The following ANKFN1 variants were observed in gnomAD, a reference collection of about 807,000 sequenced individuals.
ANKFN1 encodes the protein ankyrin repeat and fibronectin type III domain containing 1, also known as ankyrin repeat and fibronectin type-III domain-containing protein 1.
Under a neutral mutation model 108.7 loss-of-function variants are expected in ANKFN1, and 74 were observed. The ratio of observed to expected loss-of-function variants is 0.68; its 90% CI spans 0.56 to 0.83. The LOEUF (loss-of-function observed/expected upper bound fraction) is 0.83. ANKFN1 is among the 40% of genes least tolerant of loss of function. ANKFN1 has a pLI of 0.00. For synonymous variants in ANKFN1, 547 were observed against 516.2 expected, an observed-to-expected ratio of 1.06 and a Z score of -0.81; for missense variants, 1,505 against 1,382.3, an observed-to-expected ratio of 1.09 and a Z score of -1.41.
intron 13 of ANKFN1, among the ~76,000 whole-genome samples, chr17:56,457,608 G>C (rs751327665): frequency 2.6e-5 from 4 of 152,196 alleles, no homozygotes; most frequent in Non-Finnish European, 5.9e-5. Flanking sequence ...CTTGCATCCT[G>C]TCACAATGTG....
chr17:56,246,047 A>G (rs1439052160), intron 3 of ANKFN1, among the ~76,000 whole-genome samples: 1 of 152,140 alleles, frequency 6.6e-6, no homozygotes, highest in African/African-American at 2.4e-5. Flanking sequence ...ATTTTTCCAG[A>G]AACAGGCACC....
At chr17:56,047,369 C>T (rs962849780) in intron 4 of ANKFN1, among the ~76,000 whole-genome samples, 6 of 150,286 alleles carry the variant, frequency 4.0e-5, no homozygotes, top group African/African-American at 1.5e-4. Flanking sequence ...AGGGGGAGAA[C>T]GAAGGAGCAC....
At chr17:56,204,057 A>C (rs1474834498) in intron 1 of ANKFN1, among the ~76,000 whole-genome samples, 1 of 151,916 alleles carries the variant, frequency 6.6e-6, no homozygotes, top group Non-Finnish European at 1.5e-5. Context: ...TAATTAATTA[A>C]TTTTTTAGAG....
intron 9 of ANKFN1, among the ~76,000 whole-genome samples, chr17:56,440,728 G>A (rs538840518): frequency 2.6e-5 from 4 of 152,094 alleles, no homozygotes; most frequent in African/African-American, 7.2e-5. Context: ...GCAGGGAGTG[G>A]ATCAAAGGCT....
intron 4 of ANKFN1, among the ~76,000 whole-genome samples, chr17:56,081,553 A>T (rs1236497752): frequency 1.3e-5 from 2 of 152,002 alleles, no homozygotes; most frequent in African/African-American, 4.8e-5. Flanking sequence ...GGGCTTCACC[A>T]TGTTGGTTAG....
At chr17:56,085,468 C>T (rs116570068) in intron 4 of ANKFN1, among the ~76,000 whole-genome samples, 1,992 of 151,108 alleles carry the variant, frequency 0.013, 80 homozygotes, top group African/African-American at 0.046. Flanking sequence ...GAAGAATTAT[C>T]CTCTGGAGCC....
intron 4 of ANKFN1, among the ~76,000 whole-genome samples, chr17:56,062,601 C>G (rs1474033766): frequency 1.4e-5 from 2 of 144,402 alleles, no homozygotes; most frequent in Admixed American, 1.4e-4. Flanking sequence ...AAATTTTCCT[C>G]CATCCCTTTA....
chr17:56,332,139 G>A (rs930032858), intron 4 of ANKFN1, among the ~76,000 whole-genome samples: 7 of 152,064 alleles, frequency 4.6e-5, no homozygotes, highest in African/African-American at 1.7e-4. Context: ...GTCTTGTTGG[G>A]TCAGGGCTGC....
At chr17:56,397,836 TTGAG>T (rs1359880914) in intron 8 of ANKFN1, among the ~76,000 whole-genome samples, 1 of 152,198 alleles carries the variant, frequency 6.6e-6, no homozygotes, top group African/African-American at 2.4e-5. Flanking sequence ...CTGTGTGACC[TTGAG>T]TAAGTCATAT....
At chr17:56,204,878 A>G (rs891266724) in intron 1 of ANKFN1, among the ~76,000 whole-genome samples, 52 of 152,126 alleles carry the variant, frequency 3.4e-4, no homozygotes, top group African/African-American at 1.2e-3. Flanking sequence ...GATCGAGACC[A>G]TCCTGGCTAA....
chr17:56,074,587 G>C (rs1567781950), intron 4 of ANKFN1, among the ~76,000 whole-genome samples: 3 of 152,212 alleles, frequency 2.0e-5, no homozygotes, highest in Admixed American at 6.5e-5. Flanking sequence ...CCACGAGCCT[G>C]AGAAAACAGG....
At chr17:56,300,591 T>C (rs1468363360) in intron 3 of ANKFN1, among the ~76,000 whole-genome samples, 2 of 96,130 alleles carry the variant, frequency 2.1e-5, no homozygotes, top group Non-Finnish European at 3.9e-5. Context: ...CAGGAAATTG[T>C]TTTTTTTTTT....
intron 3 of ANKFN1, among the ~76,000 whole-genome samples, chr17:56,250,639 T>C (rs2043212524): frequency 6.6e-6 from 1 of 152,230 alleles, no homozygotes; most frequent in African/African-American, 2.4e-5. Context: ...GGGAAAAGGG[T>C]ACCCTCAAGA....
chr17:56,254,573 A>G (rs1202599878), intron 3 of ANKFN1, among the ~76,000 whole-genome samples: 1 of 152,186 alleles, frequency 6.6e-6, no homozygotes, highest in Non-Finnish European at 1.5e-5. Flanking sequence ...TTTCCCTAGC[A>G]TTCATGCTGA....
At chr17:56,053,070 T>G (rs1422770900) in intron 4 of ANKFN1, among the ~76,000 whole-genome samples, 2 of 152,180 alleles carry the variant, frequency 1.3e-5, no homozygotes, top group East Asian at 3.8e-4. Flanking sequence ...GTAATGATGA[T>G]GAGATCACAA....
chr17:56,075,265 C>T (rs1318713581), intron 4 of ANKFN1, among the ~76,000 whole-genome samples: 1 of 152,192 alleles, frequency 6.6e-6, no homozygotes, highest in Non-Finnish European at 1.5e-5. Context: ...GCTTCATTTT[C>T]CTTCTCTGTA....
At chr17:56,203,023 A>C (rs1365100198) in intron 1 of ANKFN1, among the ~76,000 whole-genome samples, 1 of 152,130 alleles carries the variant, frequency 6.6e-6, no homozygotes, top group Non-Finnish European at 1.5e-5. Context: ...TGGTATCTAA[A>C]CTTTCTGTAA....
chr17:56,405,359 T>C (rs2047890878), intron 8 of ANKFN1, among the ~76,000 whole-genome samples: 1 of 152,208 alleles, frequency 6.6e-6, no homozygotes, highest in Admixed American at 6.5e-5. Flanking sequence ...CCTTTCAGAA[T>C]ATCAAAAACT....
chr17:56,278,427 A>T (rs926751220), intron 3 of ANKFN1, among the ~76,000 whole-genome samples: 3 of 152,230 alleles, frequency 2.0e-5, no homozygotes, highest in Non-Finnish European at 2.9e-5. Flanking sequence ...GCAGATAAAA[A>T]TAACAGAAAG....
Sources: gnomAD v4.1 joint callset for allele counts (sites outside exome capture counted in the v4.1 genomes callset) on GRCh38, gnomAD v4.1.1 for gene constraint, MANE v1.5 for transcripts, NCBI Gene and HGNC (gene_info 2026-07-23, HGNC 2026-07-21) for gene names.